Variants in DMD observed in about 807,000 individuals in gnomAD.
DMD encodes the protein dystrophin.
Under a neutral mutation model 330.1 loss-of-function variants are expected in DMD, and 63 were observed. That is an observed-to-expected ratio of 0.19 (90% CI 0.16 to 0.24). The LOEUF is 0.24. Among genes scored for constraint, DMD ranks in the 10% least tolerant of loss-of-function variants. DMD has a pLI of 1.00. For missense variants in DMD, 3,344 were observed against 2,684.1 expected (o/e 1.25, Z -5.43); for synonymous variants, 1,223 against 959.8 (o/e 1.27, Z -5.07).
chrX:31,410,814 C>T (rs1244351104), intron 60 of DMD, among the ~76,000 whole-genome samples: 2 of 109,506 alleles, frequency 1.8e-5, no homozygotes, highest in African/African-American at 3.3e-5. Context: ...TCTCGGCTCA[C>T]TGCAACCTCC....
intron 7 of DMD, among the ~76,000 whole-genome samples, chrX:32,739,683 C>G (rs913892171): frequency 5.4e-5 from 6 of 111,582 alleles, no homozygotes; most frequent in African/African-American, 1.6e-4. Context: ...TGACCATGGA[C>G]AGTCGAAAGT....
chrX:32,491,707 G>A (rs1271906217), intron 19 of DMD, among the ~76,000 whole-genome samples, 189 bp from the exon 20 acceptor site: 4 of 111,399 alleles, frequency 3.6e-5, no homozygotes, highest in Middle Eastern at 4.2e-3. Flanking sequence ...TCAGACTTGC[G>A]TCACAACAAT....
chrX:32,621,678 G>T (rs770172967), intron 11 of DMD, among the ~76,000 whole-genome samples: 17 of 110,068 alleles, frequency 1.5e-4, no homozygotes, highest in African/African-American at 5.6e-4. Flanking sequence ...GGGATTTTTG[G>T]GGTAGGGACC....
intron 43 of DMD, among the ~76,000 whole-genome samples, chrX:32,251,051 G>C (rs894173773): frequency 9.1e-6 from 1 of 109,936 alleles, no homozygotes; most frequent in African/African-American, 3.3e-5. Flanking sequence ...GGGGTGGGGG[G>C]CTAGGGTAGG....
intron 60 of DMD, among the ~76,000 whole-genome samples, chrX:31,414,340 A>G: frequency 8.9e-6 from 1 of 112,260 alleles, no homozygotes; most frequent in Non-Finnish European, 1.9e-5. Context: ...TTTAAGATAA[A>G]AGCGACAAGC....
At chrX:31,196,247 A>C (rs1230856165) in intron 67 of DMD, among the ~76,000 whole-genome samples, 1 of 111,746 alleles carries the variant, frequency 8.9e-6, no homozygotes. Flanking sequence ...GGTCGGTGAT[A>C]TCTCTCAGCT....
chrX:32,736,928 A>G (rs895794117), intron 7 of DMD, among the ~76,000 whole-genome samples: 7 of 109,911 alleles, frequency 6.4e-5, no homozygotes, highest in Non-Finnish European at 1.3e-4. Flanking sequence ...ATAAAAGAAA[A>G]AAAAACTTAA....
chrX:32,217,559 G>C (rs920933368), intron 43 of DMD, among the ~76,000 whole-genome samples: 3 of 109,401 alleles, frequency 2.7e-5, no homozygotes, highest in Non-Finnish European at 5.7e-5. Context: ...GGAGTAATAA[G>C]TTCTAGTGTT....
intron 30 of DMD, among the ~76,000 whole-genome samples, chrX:32,407,653 G>A (rs1165427508): frequency 1.8e-5 from 2 of 110,534 alleles, no homozygotes; most frequent in African/African-American, 6.6e-5. Context: ...AAATCATGCT[G>A]CTATAAAGAC....
upstream of DMD, among the ~76,000 whole-genome samples, chrX:33,212,635 AT>A (rs1409675439): frequency 4.5e-5 from 5 of 111,982 alleles, no homozygotes; most frequent in Non-Finnish European, 7.5e-5. Context: ...AATTAAAAAA[AT>A]ATTGAGTCAG....
intron 1 of DMD, among the ~76,000 whole-genome samples, chrX:33,040,166 G>A (rs2094275392): frequency 9.0e-6 from 1 of 111,600 alleles, no homozygotes; most frequent in Non-Finnish European, 1.9e-5. Context: ...TTGGGAACTT[G>A]CAAAAAAGTA....
chrX:32,912,297 C>T (rs1177953417), intron 2 of DMD, among the ~76,000 whole-genome samples: 1 of 110,751 alleles, frequency 9.0e-6, no homozygotes. Flanking sequence ...GTTTCCAATC[C>T]TTCACCATCA....
chrX:32,075,756 A>AT (rs1200082179), intron 44 of DMD, among the ~76,000 whole-genome samples: 1 of 110,398 alleles, frequency 9.1e-6, no homozygotes, highest in African/African-American at 3.3e-5. Flanking sequence ...AAAAAAAAAA[A>AT]GTTTATTTAG....
chrX:31,409,093 T>C lies in DMD; in HGVS notation c.9084+35388A>G, dbSNP rs184072325. On this transcript the variant is annotated intron_variant, in intron 60 of 78. Coordinates refer to ENST00000357033, the MANE Select transcript of DMD (RefSeq NM_004006.3). ...GAATGATGGTTTCCAGCTTCATCCA[T>C]GTCCCTACAAAGGACATGAATTCAT... 5.9e-3 allele frequency among the ~76,000 whole-genome samples: 665 copies of C among 111,829 alleles called. 8 individuals carry two copies. Among genetic ancestry groups the C allele is most frequent in the African/African-American group, 0.016 (487 of 30,743 alleles).
intron 66 of DMD, 30 bp from the exon 67 acceptor site, chrX:31,204,148 C>G: frequency 8.4e-7 from 1 of 1,184,340 alleles, no homozygotes; most frequent in Non-Finnish European, 1.1e-6. Context: ...TTGCAACAGT[C>G]AAAACACAGC....
chrX:33,333,696 A>G (rs1281597705), intron 1 of DMD, among the ~76,000 whole-genome samples: 1 of 111,276 alleles, frequency 9.0e-6, no homozygotes, highest in African/African-American at 3.3e-5. Context: ...ATTTGATTAT[A>G]GTTTCTCCTA....
At chrX:32,713,142 C>T (rs750335895) in intron 7 of DMD, among the ~76,000 whole-genome samples, 1 of 111,887 alleles carries the variant, frequency 8.9e-6, no homozygotes, top group Non-Finnish European at 1.9e-5. Flanking sequence ...AAGCAAATCA[C>T]CTGTTTGAAA....
intron 30 of DMD, among the ~76,000 whole-genome samples, chrX:32,403,416 T>C (rs1047778650): frequency 4.5e-5 from 5 of 111,820 alleles, no homozygotes; most frequent in East Asian, 2.8e-4. Context: ...GTAGAATTTG[T>C]AGATAGATTT....
chrX:32,785,643 A>G (rs2075287483), intron 7 of DMD, among the ~76,000 whole-genome samples: 1 of 111,870 alleles, frequency 8.9e-6, no homozygotes, highest in South Asian at 3.7e-4. Context: ...TAGCTTTAGC[A>G]GTTTTACTTA....
Sources: gnomAD v4.1 joint callset for allele counts (sites outside exome capture counted in the v4.1 genomes callset) on GRCh38, gnomAD v4.1.1 for gene constraint, MANE v1.5 for transcripts, NCBI Gene and HGNC (gene_info 2026-07-23, HGNC 2026-07-21) for gene names.